The following CERS3 variants were observed in gnomAD, a reference collection of about 807,000 sequenced individuals.
The protein encoded by CERS3 is ceramide synthase 3.
CERS3 carries 33 observed loss-of-function variants against 50.3 expected under a neutral mutation model. The observed-to-expected ratio is 0.66, with a 90% confidence interval of 0.50 to 0.88. CERS3 has a LOEUF of 0.88. Ranked by LOEUF, CERS3 falls within the 40% of genes least tolerant of loss-of-function variation. CERS3 has a pLI of 0.00. For synonymous variants in CERS3, 176 were observed against 155.2 expected, an observed-to-expected ratio of 1.13 and a Z score of -0.99; for missense variants, 470 against 460.3, an observed-to-expected ratio of 1.02 and a Z score of -0.19.
upstream of CERS3, among the ~76,000 whole-genome samples, chr15:100,533,558 CTCTCTT>C (rs924655507): frequency 3.1e-5 from 4 of 129,490 alleles, no homozygotes; most frequent in African/African-American, 1.2e-4. Flanking sequence ...CCTTCCCTCT[CTCTCTT>C]TTTTTTTTTT....
rs143460695 is a variant in CERS3 at position 100,492,976 on chromosome 15, G to A, written c.174-2045C>T. On this transcript the variant is annotated intron_variant, in intron 3 of 11. Coordinates refer to ENST00000679737, the MANE Select transcript of CERS3 (RefSeq NM_001378789.1). ...ATAGGGTTAAAAAACTCCATTCCCC[G>A]TCCCCTTCTTTGTGCTCTTGTCTCA... Among the ~76,000 whole-genome samples the A allele has an allele frequency of 1.8e-3, 270 of 152,094 alleles. 2 individuals carry two copies. The highest frequency in any genetic ancestry group is 2.7e-3 in the South Asian group (13 of 4,808).
At chr15:100,467,850 T>TATATATATATATAGATAG (rs145899470) in intron 10 of CERS3, among the ~76,000 whole-genome samples, 4 of 93,136 alleles carry the variant, frequency 4.3e-5, no homozygotes, top group African/African-American at 1.1e-4. Context: ...TATATATATA[T>TATATATATATATAGATAG]ATAGATAGAT....
At chr15:100,491,369 A>T (rs183916376) in intron 3 of CERS3, among the ~76,000 whole-genome samples, 27 of 152,294 alleles carry the variant, frequency 1.8e-4, no homozygotes, top group African/African-American at 6.5e-4. Context: ...AATACGTAAT[A>T]ATAGGATTGA....
At chr15:100,526,306 T>A (rs891235431) in intron 1 of CERS3, among the ~76,000 whole-genome samples, 3 of 152,170 alleles carry the variant, frequency 2.0e-5, no homozygotes, top group African/African-American at 7.2e-5. Context: ...AAGCTTCTTG[T>A]GTGGATGGCT....
At chr15:100,465,122 C>T (rs2587806) in intron 10 of CERS3, among the ~76,000 whole-genome samples, 39,258 of 151,900 alleles carry the variant, frequency 0.26, 5,478 homozygotes, top group East Asian at 0.39. Context: ...CCCGCCCTAC[C>T]GTGTATATCA....
At position 100,459,467 on chromosome 15, in the gene CERS3, T is replaced by C. The variant is rs1008744958; in HGVS notation, c.846-3421A>G. 3.9e-5 allele frequency among the ~76,000 whole-genome samples: 6 copies of C among 152,296 alleles called. No individual in the cohort carries two copies. In the South Asian group the frequency reaches 1.0e-3, roughly 26 times the overall value. ...TACGGCACAATACCTGGCCAATTTT[T>C]GTATTTTGTTTTTTGTAGAGACAGG... is the stretch of plus-strand genomic sequence containing the variant. On this transcript the variant is annotated intron_variant, in intron 10 of 11. Transcript: ENST00000679737.
Position 100,516,901 on chromosome 15 carries a change from G to A in CERS3, c.-2+4766C>T, listed in dbSNP as rs187719628. ...TCCCTCCCAACCTCAGCAAACAAGA[G>A]TAGGATTTCCAGGACAAGACATGTG... On this transcript the variant is annotated intron_variant, in intron 2 of 11. Coordinates refer to ENST00000679737, the MANE Select transcript of CERS3 (RefSeq NM_001378789.1). Among the ~76,000 whole-genome samples the A allele has an allele frequency of 2.6e-5, 4 of 152,342 alleles. No homozygotes were observed. The East Asian group carries it at 7.7e-4, about 29-fold the overall frequency.
intron 11 of CERS3, among the ~76,000 whole-genome samples, chr15:100,455,443 T>C (rs1012793417): frequency 6.6e-6 from 1 of 152,136 alleles, no homozygotes; most frequent in Non-Finnish European, 1.5e-5. Context: ...TATTTCAAAA[T>C]AGCTGGAAGA....
At chr15:100,477,379 G>C (rs1214406793) in intron 7 of CERS3, among the ~76,000 whole-genome samples, 1 of 152,142 alleles carries the variant, frequency 6.6e-6, no homozygotes, top group East Asian at 1.9e-4. Flanking sequence ...GGCCATAAAA[G>C]AGTGAGACAG....
chr15:100,518,174 A>G (rs1025081709), intron 2 of CERS3, among the ~76,000 whole-genome samples: 4 of 152,242 alleles, frequency 2.6e-5, no homozygotes, highest in Non-Finnish European at 4.4e-5. Context: ...TCTTAAAGAA[A>G]AAAATGTAAA....
chr15:100,512,226 G>A (rs573271252), intron 2 of CERS3, among the ~76,000 whole-genome samples: 5 of 152,224 alleles, frequency 3.3e-5, no homozygotes, highest in Admixed American at 6.5e-5. Flanking sequence ...TTGCCTGCTT[G>A]GGGAAAATGG....
intron 11 of CERS3, among the ~76,000 whole-genome samples, chr15:100,409,055 C>T (rs1177591954): frequency 6.6e-6 from 1 of 152,134 alleles, no homozygotes; most frequent in East Asian, 1.9e-4. Flanking sequence ...TGCACAAATA[C>T]TTGATGAGGC....
intron 11 of CERS3, among the ~76,000 whole-genome samples, chr15:100,442,098 G>C (rs1450528550): frequency 6.6e-6 from 1 of 152,102 alleles, no homozygotes; most frequent in Non-Finnish European, 1.5e-5. Context: ...TTAAAAAGGT[G>C]GCTGGAGAGC....
chr15:100,450,715 C>A (rs1179096974), intron 11 of CERS3, among the ~76,000 whole-genome samples: 1 of 152,120 alleles, frequency 6.6e-6, no homozygotes, highest in African/African-American at 2.4e-5. Context: ...CAGAGATTCA[C>A]AAATAGACAT....
rs1172693320 is a variant in CERS3, at chr15:100,472,930, C to T, written c.732G>A (p.Trp244Ter). The T allele has an allele frequency of 1.2e-6, 2 of 1,613,894 alleles. No homozygotes were observed. Among genetic ancestry groups the T allele is most frequent in the South Asian group, 1.1e-5 (1 of 91,074 alleles). The part of the protein sequence containing the change: ...VMIVHDVADI[W>*]LESAKMFSYA... ...TTTAATGGCAAACGTTTACCTCCAG[C>T]CAAATGTCAGCCACATCGTGTACAA... Residue 244 changes from tryptophan to a stop codon, truncating the protein, a stop_gained, in exon 9 of 12, where the codon TGG becomes TGA. Transcript: ENST00000679737. LOFTEE classifies it high-confidence loss of function.
At chr15:100,512,547 G>C (rs935546906) in intron 2 of CERS3, among the ~76,000 whole-genome samples, 2 of 152,204 alleles carry the variant, frequency 1.3e-5, no homozygotes, top group African/African-American at 4.8e-5. Context: ...CCTTTCAAGA[G>C]GGTCTGCATG....
intron 11 of CERS3, among the ~76,000 whole-genome samples, chr15:100,427,029 G>A (rs61279156): frequency 6.6e-6 from 1 of 152,144 alleles, no homozygotes; most frequent in South Asian, 2.1e-4. Flanking sequence ...CTGTGGCCAG[G>A]CTCCAGATTC....
intron 1 of CERS3, among the ~76,000 whole-genome samples, chr15:100,537,284 T>C (rs1375146241): frequency 6.6e-6 from 1 of 152,250 alleles, no homozygotes; most frequent in Non-Finnish European, 1.5e-5. Flanking sequence ...TCACACTGTC[T>C]GCCTTCTCAT....
intron 2 of CERS3, among the ~76,000 whole-genome samples, chr15:100,502,260 AAAAAAAAAAAG>A (rs2036031583): frequency 7.4e-6 from 1 of 135,044 alleles, no homozygotes; most frequent in African/African-American, 2.6e-5. Context: ...AGAAAAAAAA[AAAAAAAAAAAG>A]AAAGAAAGAA....
Sources: allele counts gnomAD v4.1 joint callset (sites outside exome capture counted in the v4.1 genomes callset), GRCh38; gene constraint gnomAD v4.1.1; transcripts MANE v1.5; gene names NCBI Gene and HGNC (gene_info 2026-07-23, HGNC 2026-07-21).